GNS: variants seen among roughly 807,000 people sequenced by gnomAD.
GNS encodes N-acetylglucosamine-6-sulfatase.
GNS carries 40 observed loss-of-function variants against 69.7 expected under a neutral mutation model. The observed-to-expected ratio is 0.57, with a 90% CI of 0.45 to 0.75. The LOEUF (loss-of-function observed/expected upper bound fraction) is 0.75. Among genes scored for constraint, GNS ranks in the 30% least tolerant of loss-of-function variants. The probability of loss-of-function intolerance (pLI) is 0.00; values close to 1 mark genes in which losing one functional copy is unlikely to be tolerated. For synonymous variants in GNS, 243 were observed against 251.6 expected, an observed-to-expected ratio of 0.97 and a Z score of 0.32; for missense variants, 565 against 685.5, an observed-to-expected ratio of 0.82 and a Z score of 1.96.
At chr12:64,744,932 T>G in intron 4 of GNS, 25 bp from the exon 5 acceptor site, 1 of 1,041,448 alleles carries the variant, frequency 9.6e-7, no homozygotes, top group Non-Finnish European at 1.5e-6. Flanking sequence ...AAAGTCAAAT[T>G]TGTTATGAGG....
chr12:64,726,670 ATT>A (rs1266332314), intron 10 of GNS, among the ~76,000 whole-genome samples: 1 of 152,006 alleles, frequency 6.6e-6, no homozygotes, highest in East Asian at 1.9e-4. Context: ...AATTTTCTGT[ATT>A]TTTTGTAGAG....
intron 8 of GNS, among the ~76,000 whole-genome samples, 184 bp from the exon 9 acceptor site, chr12:64,737,291 A>G (rs996814528): frequency 7.9e-5 from 12 of 152,256 alleles, no homozygotes; most frequent in Admixed American, 7.9e-4. Flanking sequence ...CAACAAATTC[A>G]TCTTCTCTAA....
rs1309754127 is a variant in GNS at position 64,732,164 on chromosome 12, T to G, written c.1099-3107A>C. ...ACCACACCTGGCTAATTTTTTTTTT[T>G]TGTTGTTTTTTTTTTTTTTTTGAGA... is the stretch of plus-strand genomic sequence containing the variant. On this transcript the variant is annotated intron_variant, in intron 9 of 13. Transcript: ENST00000258145. Among the ~76,000 whole-genome samples the G allele has an allele frequency of 1.7e-3, 164 of 96,674 alleles. 11 individuals are homozygous for G. The highest frequency in any genetic ancestry group is 7.1e-3 in the African/African-American group (147 of 20,592). 63.4% of individuals were successfully genotyped at this position (96,674 alleles called of 152,430 possible).
Position 64,728,983 on chromosome 12 carries a change from C to T in GNS, c.1173G>A (p.Met391Ile). Residue 391 changes from methionine to isoleucine, a missense_variant, in exon 10 of 14, where the codon ATG (methionine) becomes ATA (isoleucine). Physicochemically the swap from Met to Ile is conservative, Grantham distance 10. Transcript: ENST00000258145. The stretch of plus-strand genomic sequence containing the variant: ...AAATGGGCAATAAGGACATCCCATC[C>T]ATCTGTGTCTTATTTAGGTCGTAGC... ...IAGYDLNKTQ[M>I]DGMSLLPILR... The T allele has an allele frequency of 1.3e-6, 2 of 1,583,116 alleles. No homozygotes were observed. The highest frequency in any genetic ancestry group is 1.7e-6 in the Non-Finnish European group (2 of 1,151,782).
chr12:64,725,785 G>A (rs1022709713), intron 10 of GNS, among the ~76,000 whole-genome samples: 2 of 151,636 alleles, frequency 1.3e-5, no homozygotes, highest in African/African-American at 4.8e-5. Context: ...TCACGAGGTC[G>A]GGAGATCGAG....
At chr12:64,722,711 T>A (rs1211584804) in intron 11 of GNS, 1 of 375,052 alleles carries the variant, frequency 2.7e-6, no homozygotes, top group South Asian at 2.3e-5. Context: ...TAAAAAAAAA[T>A]GGTACTGTTA....
Position 64,716,419 on chromosome 12 carries a change from T to G in GNS, c.*322A>C. On this transcript the variant is annotated 3_prime_UTR_variant, in exon 14 of 14. Transcript: ENST00000258145. ...CATTTATCTGAATGGGTTTACAAATTCAGTCTTTAACCACAAGAGGAATAA... is the reference window on the plus strand; with the variant it reads ...CATTTATCTGAATGGGTTTACAAATGCAGTCTTTAACCACAAGAGGAATAA... 1 of 394,172 alleles carries G rather than the reference T, an allele frequency of 2.5e-6. No homozygotes were observed. Among genetic ancestry groups the G allele is most frequent in the East Asian group, 5.4e-5 (1 of 18,396 alleles). The allele number at this position is 394,172 out of a possible 1,614,324, so 24.4% of individuals were successfully genotyped here.
intron 9 of GNS, among the ~76,000 whole-genome samples, chr12:64,733,644 T>TG (rs1367676437): frequency 3.3e-5 from 5 of 152,208 alleles, no homozygotes; most frequent in African/African-American, 1.2e-4. Flanking sequence ...AGGAAGAAGC[T>TG]GGGGCATCAC....
At chr12:64,727,081 T>G (rs1175672842) in intron 10 of GNS, among the ~76,000 whole-genome samples, 2 of 151,826 alleles carry the variant, frequency 1.3e-5, no homozygotes, top group Non-Finnish European at 2.9e-5. Context: ...TCACACCTAC[T>G]ACAATATAAT....
chr12:64,732,509 G>C (rs1385009057), intron 9 of GNS, among the ~76,000 whole-genome samples: 2 of 149,206 alleles, frequency 1.3e-5, no homozygotes, highest in Admixed American at 1.3e-4. Flanking sequence ...TGCCCAGGCT[G>C]GAGTGCAGTG....
intron 13 of GNS, 99 bp from the exon 14 acceptor site, chr12:64,716,918 A>G: frequency 1.3e-6 from 1 of 789,630 alleles, no homozygotes. Flanking sequence ...TAAAAGAAAC[A>G]AATCACCAGA....
At chr12:64,756,505 T>C (rs759548502) in intron 1 of GNS, among the ~76,000 whole-genome samples, 5 of 152,192 alleles carry the variant, frequency 3.3e-5, no homozygotes, top group Non-Finnish European at 7.3e-5. Flanking sequence ...AGCATGGTGA[T>C]CTGAGGTCAT....
intron 12 of GNS, 62 bp downstream of exon 12, chr12:64,721,533 T>A (rs1000765455): frequency 1.2e-6 from 1 of 832,238 alleles, no homozygotes; most frequent in South Asian, 1.3e-5. Context: ...TGCCACCAAG[T>A]CCAGCCAACA....
chr12:64,742,309 T>G (rs554184849), intron 6 of GNS, among the ~76,000 whole-genome samples: 4 of 152,252 alleles, frequency 2.6e-5, no homozygotes, highest in South Asian at 2.1e-4. Flanking sequence ...CATGAGCCAC[T>G]GCGCCCGGCC....
chr12:64,724,322 A>G (rs1358190992), intron 10 of GNS, among the ~76,000 whole-genome samples: 2 of 152,238 alleles, frequency 1.3e-5, no homozygotes, highest in African/African-American at 4.8e-5. Context: ...CCTGGGTTTT[A>G]GCAAGTCCCA....
chr12:64,750,833 G>A (rs1206036619), intron 2 of GNS, among the ~76,000 whole-genome samples: 1 of 152,160 alleles, frequency 6.6e-6, no homozygotes, highest in Non-Finnish European at 1.5e-5. Flanking sequence ...CTGAGCCCAG[G>A]AGTTTGAGTT....
intron 1 of GNS, among the ~76,000 whole-genome samples, chr12:64,755,321 T>A (rs541396624): frequency 6.6e-6 from 1 of 152,276 alleles, no homozygotes; most frequent in African/African-American, 2.4e-5. Context: ...CTCACACCTG[T>A]AATCCCACCC....
chr12:64,759,334 G>T lies in GNS; in HGVS notation c.-58C>A. ...GACGGGACGGAGGGACGCACAGGTA[G>T]CTGAAGGGCGAGAGGCCGACCAGCC... On this transcript the variant is annotated 5_prime_UTR_variant, in exon 1 of 14. Coordinates refer to ENST00000258145, the MANE Select transcript of GNS (RefSeq NM_002076.4). 1.6e-6 allele frequency: 2 copies of T among 1,214,246 alleles called. No individual in the cohort carries two copies. Among genetic ancestry groups the T allele is most frequent in the Non-Finnish European group, 2.2e-6 (2 of 893,666 alleles). The allele number at this position is 1,214,246 out of a possible 1,614,324, so 75.2% of individuals were successfully genotyped here.
At chr12:64,753,620 T>C (rs1870149830) in intron 1 of GNS, among the ~76,000 whole-genome samples, 1 of 152,226 alleles carries the variant, frequency 6.6e-6, no homozygotes, top group South Asian at 2.1e-4. Context: ...TATTTTGTTG[T>C]GCAATAATTC....
Sources: gnomAD v4.1 joint callset for allele counts (sites outside exome capture counted in the v4.1 genomes callset) on GRCh38, gnomAD v4.1.1 for gene constraint, MANE v1.5 for transcripts, NCBI Gene and HGNC (gene_info 2026-07-23, HGNC 2026-07-21) for gene names.